The following TLL2 variants were observed in gnomAD, a reference collection of about 807,000 sequenced individuals.
TLL2 encodes tolloid-like protein 2.
TLL2 carries 106 observed loss-of-function variants against 123.0 expected under a neutral mutation model. The observed-to-expected ratio is 0.86, with a 90% CI of 0.74 to 1.01. The LOEUF (loss-of-function observed/expected upper bound fraction) is 1.01, where lower values mean the gene tolerates loss of function less well. TLL2 is among the 50% of genes least tolerant of loss of function. The pLI is 0.00. For missense variants in TLL2, 1,332 were observed against 1,336.7 expected (o/e 1.00, Z 0.06); for synonymous variants, 494 against 516.8 (o/e 0.96, Z 0.60).
intron 2 of TLL2, among the ~76,000 whole-genome samples, chr10:96,466,198 G>A (rs1847130429): frequency 6.6e-6 from 1 of 152,166 alleles, no homozygotes; most frequent in South Asian, 2.1e-4. Flanking sequence ...GAGGTGGGTG[G>A]GACCAAGTCC....
intron 3 of TLL2, among the ~76,000 whole-genome samples, chr10:96,441,721 G>A (rs964527459): frequency 5.3e-5 from 8 of 152,192 alleles, no homozygotes; most frequent in Admixed American, 1.3e-4. Context: ...AAATGCCTGC[G>A]GTGAGTAAGG....
intron 2 of TLL2, among the ~76,000 whole-genome samples, chr10:96,448,664 G>A (rs1052932759): frequency 1.3e-5 from 2 of 152,094 alleles, no homozygotes; most frequent in African/African-American, 2.4e-5. Flanking sequence ...AACAAATAGC[G>A]AACCAGATAT....
chr10:96,477,226 T>C (rs1373024456), intron 2 of TLL2, among the ~76,000 whole-genome samples: 1 of 151,666 alleles, frequency 6.6e-6, no homozygotes, highest in Admixed American at 6.6e-5. Flanking sequence ...AAAAAAAATA[T>C]CAAGCTTGGG....
intron 7 of TLL2, among the ~76,000 whole-genome samples, chr10:96,415,751 C>CTG (rs759595616): frequency 6.8e-5 from 7 of 102,262 alleles, no homozygotes; most frequent in Middle Eastern, 4.4e-3. Context: ...CTCTCTCTCT[C>CTG]TCTCTCTCTC....
chr10:96,461,140 T>A (rs1423094315), intron 2 of TLL2, among the ~76,000 whole-genome samples: 1 of 152,170 alleles, frequency 6.6e-6, no homozygotes, highest in Non-Finnish European at 1.5e-5. Flanking sequence ...AAATAAAAAA[T>A]TTAATGGTAT....
intron 2 of TLL2, among the ~76,000 whole-genome samples, chr10:96,478,678 A>G (rs1847282644): frequency 6.6e-6 from 1 of 152,260 alleles, no homozygotes; most frequent in African/African-American, 2.4e-5. Flanking sequence ...AATGTGAGTG[A>G]ATTTCAGTCA....
At position 96,495,372 on chromosome 10, in the gene TLL2, G is replaced by A. The variant is rs185100317; in HGVS notation, c.176-14913C>T. On this transcript the variant is annotated intron_variant, in intron 1 of 20. Transcript: ENST00000357947. Reference sequence around the variant, plus strand: ...TTCTGTGAATCTTTGTCAAGGGAGTGTATGTACAAACAAACAGGGAGGGTT... The same window carrying A: ...TTCTGTGAATCTTTGTCAAGGGAGTATATGTACAAACAAACAGGGAGGGTT... Among the ~76,000 whole-genome samples the A allele has an allele frequency of 1.8e-4, 28 of 152,272 alleles. No individual in the cohort carries two copies. The East Asian group carries it at 4.4e-3, about 24-fold the overall frequency.
intron 1 of TLL2, among the ~76,000 whole-genome samples, chr10:96,502,886 G>A (rs764606625): frequency 7.2e-5 from 11 of 151,936 alleles, no homozygotes; most frequent in Non-Finnish European, 1.6e-4. Flanking sequence ...ACTCAGGGCT[G>A]AACATCTCCA....
chr10:96,488,325 C>T (rs763770618), intron 1 of TLL2, among the ~76,000 whole-genome samples: 1 of 152,230 alleles, frequency 6.6e-6, no homozygotes, highest in Non-Finnish European at 1.5e-5. Context: ...GCAGCCCTTA[C>T]CGACAACAGC....
intron 1 of TLL2, among the ~76,000 whole-genome samples, chr10:96,492,994 T>C (rs1415346547): frequency 1.3e-5 from 2 of 152,154 alleles, no homozygotes; most frequent in Non-Finnish European, 2.9e-5. Context: ...TCCCCATTGA[T>C]CTTTGAACAC....
intron 13 of TLL2, among the ~76,000 whole-genome samples, chr10:96,389,351 T>A (rs908892000): frequency 6.6e-6 from 1 of 151,718 alleles, no homozygotes; most frequent in Non-Finnish European, 1.5e-5. Context: ...AGCAGCAGAG[T>A]TGCTTTCAAA....
chr10:96,487,945 C>T (rs1847373484), intron 1 of TLL2, among the ~76,000 whole-genome samples: 1 of 152,188 alleles, frequency 6.6e-6, no homozygotes, highest in Non-Finnish European at 1.5e-5. Context: ...GCAGTATGGG[C>T]CCAGTGGCTG....
chr10:96,508,649 T>C lies in TLL2; in HGVS notation c.175+4862A>G, dbSNP rs140553222. Among the ~76,000 whole-genome samples, 579 of 152,174 alleles carry C rather than the reference T, an allele frequency of 3.8e-3. 3 individuals carry two copies. The highest frequency in any genetic ancestry group is 0.013 in the African/African-American group (542 of 41,520). ...ATTTTCATATCATTTGAGCCTCATG[T>C]AGACAATTTTTGAGTCACATACCCT... is the stretch of plus-strand genomic sequence containing the variant. On this transcript the variant is annotated intron_variant, in intron 1 of 20. Coordinates refer to ENST00000357947, the MANE Select transcript of TLL2 (RefSeq NM_012465.4).
chr10:96,481,331 T>C (rs1361412432), intron 1 of TLL2, among the ~76,000 whole-genome samples: 1 of 152,130 alleles, frequency 6.6e-6, no homozygotes, highest in African/African-American at 2.4e-5. Context: ...ATTTTTTTTG[T>C]ACAGACAGGG....
Position 96,413,320 on chromosome 10 carries a change from C to A in TLL2, c.924-4G>T, listed in dbSNP as rs1000172189. 3.7e-6 allele frequency: 6 copies of A among 1,611,786 alleles called. No individual in the cohort carries two copies. In the South Asian group the frequency reaches 6.6e-5, roughly 18 times the overall value. ...GATGGTGTCTAAGAAAACTCCTCTA[C>A]AGGAAGGAAAAAAGACAGAAAAAGA... On this transcript the variant is annotated splice_region_variant and splice_polypyrimidine_tract_variant and intron_variant, in intron 7 of 20. Coordinates refer to ENST00000357947, the MANE Select transcript of TLL2 (RefSeq NM_012465.4).
At chr10:96,488,845 C>A (rs1377723090) in intron 1 of TLL2, among the ~76,000 whole-genome samples, 1 of 152,172 alleles carries the variant, frequency 6.6e-6, no homozygotes, top group Non-Finnish European at 1.5e-5. Context: ...ATCTGGGAGC[C>A]AAGGATGGAA....
intron 7 of TLL2, 108 bp downstream of exon 7, chr10:96,420,848 C>T (rs1846612227): frequency 1.1e-5 from 10 of 884,932 alleles, no homozygotes; most frequent in East Asian, 4.9e-5. Flanking sequence ...ACAGGCCAGC[C>T]GTGCTAGAAG....
At chr10:96,405,715 C>T (rs1396145314) in intron 9 of TLL2, among the ~76,000 whole-genome samples, 7 of 152,304 alleles carry the variant, frequency 4.6e-5, no homozygotes, top group Non-Finnish European at 7.3e-5. Context: ...ATAACATCAT[C>T]AATCATTCCA....
chr10:96,506,123 G>C (rs925668811), intron 1 of TLL2, among the ~76,000 whole-genome samples: 1 of 151,682 alleles, frequency 6.6e-6, no homozygotes, highest in African/African-American at 2.4e-5. Context: ...ATGGTGGCGG[G>C]CGTCTGTAAT....
Sources: gnomAD v4.1 joint callset for allele counts (sites outside exome capture counted in the v4.1 genomes callset) on GRCh38, gnomAD v4.1.1 for gene constraint, MANE v1.5 for transcripts, NCBI Gene and HGNC (gene_info 2026-07-23, HGNC 2026-07-21) for gene names.